MAMDC2: variants seen among roughly 807,000 people sequenced by gnomAD.
MAMDC2 encodes the protein MAM domain-containing protein 2.
A neutral mutation model predicts 89.8 loss-of-function variants in MAMDC2; 57 were observed. The observed-to-expected ratio is 0.63, with a 90% CI of 0.51 to 0.79. The LOEUF (loss-of-function observed/expected upper bound fraction) is 0.79. Ranked by LOEUF, MAMDC2 falls within the 30% of genes least tolerant of loss-of-function variation. The probability of loss-of-function intolerance (pLI) is 0.00; values close to 1 mark genes in which losing one functional copy is unlikely to be tolerated. For synonymous variants in MAMDC2, 313 were observed against 293.4 expected (o/e 1.07, Z -0.68); for missense variants, 800 against 820.6 (o/e 0.97, Z 0.31).
At chr9:70,151,892 G>A (rs924754934) in intron 9 of MAMDC2, among the ~76,000 whole-genome samples, 3 of 152,074 alleles carry the variant, frequency 2.0e-5, no homozygotes, top group Non-Finnish European at 4.4e-5. Context: ...TGCTTTTTGT[G>A]ACCTCTGAAC....
intron 11 of MAMDC2, among the ~76,000 whole-genome samples, chr9:70,193,404 A>ATAT (rs1399217768): frequency 6.6e-6 from 1 of 152,152 alleles, no homozygotes; most frequent in Non-Finnish European, 1.5e-5. Flanking sequence ...CGCATTTAAA[A>ATAT]TATTAAAACA....
chr9:70,169,766 A>T (rs1304620268), intron 10 of MAMDC2: 1 of 152,246 alleles, frequency 6.6e-6, no homozygotes, highest in Non-Finnish European at 1.5e-5. Context: ...ATAATTATGA[A>T]TGTTATTGAA....
intron 11 of MAMDC2, among the ~76,000 whole-genome samples, chr9:70,199,296 C>T (rs970243748): frequency 3.6e-5 from 5 of 137,284 alleles, no homozygotes; most frequent in African/African-American, 5.4e-5. Context: ...TGAGAATATG[C>T]GGTGTTTGGT....
At chr9:70,199,796 G>A (rs2033058668) in intron 11 of MAMDC2, among the ~76,000 whole-genome samples, 1 of 146,664 alleles carries the variant, frequency 6.8e-6, no homozygotes, top group African/African-American at 2.5e-5. Flanking sequence ...TTTCTCTGAG[G>A]GCCAGTGATG....
chr9:70,159,371 A>G (rs549990826), intron 9 of MAMDC2, among the ~76,000 whole-genome samples: 3 of 152,268 alleles, frequency 2.0e-5, no homozygotes, highest in Non-Finnish European at 2.9e-5. Flanking sequence ...AGTTGGTTAA[A>G]TAAGTGTGGC....
intron 4 of MAMDC2, among the ~76,000 whole-genome samples, chr9:70,111,020 G>A (rs1828497261): frequency 6.6e-6 from 1 of 152,200 alleles, no homozygotes; most frequent in Admixed American, 6.5e-5. Flanking sequence ...TGACCTCAAT[G>A]ATATCTCTAG....
chr9:70,108,110 T>G, intron 2 of MAMDC2, 101 bp from the exon 3 acceptor site: 1 of 1,191,216 alleles, frequency 8.4e-7, no homozygotes, highest in South Asian at 1.6e-5. Context: ...AAAATATATC[T>G]GCAGGTTTAT....
chr9:70,207,872 T>C (rs992693225), intron 11 of MAMDC2, among the ~76,000 whole-genome samples: 4 of 152,144 alleles, frequency 2.6e-5, no homozygotes, highest in African/African-American at 7.2e-5. Flanking sequence ...TTCCCAGCAC[T>C]ATTTATTAAA....
In MAMDC2 at chr9:70,088,858, G is replaced by A. The variant is rs542145706; in HGVS notation, c.149-19353G>A. On this transcript the variant is annotated intron_variant, in intron 2 of 13. Transcript: ENST00000377182. ...AGAATTTGAGGAGACTGCTATTTAC[G>A]ACTTAAATATAAAATATTTTGATAG... 11 of 152,054 alleles carry A rather than the reference G, an allele frequency of 7.2e-5. No individual in the cohort carries two copies. In the South Asian group the frequency reaches 1.5e-3, roughly 20 times the overall value. The allele number at this position is 152,054 out of a possible 1,614,324, so 9.4% of individuals were successfully genotyped here. A position where few individuals can be genotyped will look rare whatever the true frequency, so the allele number is the denominator to read the frequency against.
intron 2 of MAMDC2, chr9:70,089,087 T>C (rs1382917478): frequency 1.3e-5 from 2 of 152,148 alleles, no homozygotes; most frequent in Non-Finnish European, 2.9e-5. Flanking sequence ...TTTCCTGAAA[T>C]CATGCACTGA....
chr9:70,112,927 C>T, intron 4 of MAMDC2, 68 bp from the exon 5 acceptor site: 1 of 1,586,424 alleles, frequency 6.3e-7, no homozygotes, highest in South Asian at 1.1e-5. Flanking sequence ...AGAGCAAACT[C>T]TGTAGTAGGA....
At chr9:70,106,923 G>A (rs1395804945) in intron 2 of MAMDC2, among the ~76,000 whole-genome samples, 1 of 152,140 alleles carries the variant, frequency 6.6e-6, no homozygotes, top group Non-Finnish European at 1.5e-5. Context: ...AAGGATCCAG[G>A]CTGGGATGGG....
intron 11 of MAMDC2, among the ~76,000 whole-genome samples, chr9:70,213,480 C>T (rs2033393434): frequency 1.3e-5 from 2 of 152,042 alleles, no homozygotes; most frequent in African/African-American, 4.8e-5. Flanking sequence ...ATGTTACTAA[C>T]TTATGTGTAG....
At chr9:70,111,711 A>G (rs1426009599) in intron 4 of MAMDC2, among the ~76,000 whole-genome samples, 3 of 152,228 alleles carry the variant, frequency 2.0e-5, no homozygotes, top group Non-Finnish European at 4.4e-5. Flanking sequence ...ATTGCTGACT[A>G]CACCAGTCAA....
intron 3 of MAMDC2, 39 bp downstream of exon 3, chr9:70,108,521 C>T: frequency 6.6e-7 from 1 of 1,517,636 alleles, no homozygotes; most frequent in Non-Finnish European, 8.8e-7. Flanking sequence ...GGCCTATTAT[C>T]TTTGCTTTAT....
At chr9:70,062,217 G>A (rs1027845050) in intron 2 of MAMDC2, among the ~76,000 whole-genome samples, 5 of 151,258 alleles carry the variant, frequency 3.3e-5, no homozygotes, top group South Asian at 2.1e-4. Context: ...AGTTGTTTTG[G>A]AAGGATACAC....
At chr9:70,125,215 A>G (rs1423468127) in intron 5 of MAMDC2, among the ~76,000 whole-genome samples, 1 of 152,252 alleles carries the variant, frequency 6.6e-6, no homozygotes, top group Non-Finnish European at 1.5e-5. Flanking sequence ...GCATGGTTCT[A>G]GAATTGTGAA....
chr9:70,161,447 T>C (rs1307414667), intron 9 of MAMDC2, among the ~76,000 whole-genome samples: 1 of 152,218 alleles, frequency 6.6e-6, no homozygotes. Context: ...AAAAAAGTAT[T>C]GGTCAGCTAA....
chr9:70,134,367 C>G (rs1039817718), intron 7 of MAMDC2, among the ~76,000 whole-genome samples: 1 of 149,124 alleles, frequency 6.7e-6, no homozygotes. Context: ...CTCACTCTCC[C>G]CCTGCACAAC....
Sources: gnomAD v4.1 joint callset for allele counts (sites outside exome capture counted in the v4.1 genomes callset) on GRCh38, gnomAD v4.1.1 for gene constraint, MANE v1.5 for transcripts, NCBI Gene and HGNC (gene_info 2026-07-23, HGNC 2026-07-21) for gene names.